Variants in STIL observed in about 807,000 individuals in gnomAD.
STIL encodes the protein STIL centriolar assembly protein.
In STIL, 55 loss-of-function variants were observed where a neutral mutation model predicts 110.1. The ratio of observed to expected loss-of-function variants is 0.50; its 90% CI spans 0.40 to 0.63. The LOEUF is 0.63. Ranked by LOEUF, STIL falls within the 20% of genes least tolerant of loss-of-function variation. The probability of loss-of-function intolerance (pLI) is 0.00; values close to 1 mark genes in which losing one functional copy is unlikely to be tolerated. For synonymous variants in STIL, 481 were observed against 530.0 expected (o/e 0.91, Z 1.27); for missense variants, 1,358 against 1,530.0 (o/e 0.89, Z 1.87).
At chr1:47,288,035 T>C (rs866973989) in intron 9 of STIL, among the ~76,000 whole-genome samples, 78 of 148,152 alleles carry the variant, frequency 5.3e-4, no homozygotes, top group African/African-American at 1.7e-3. Flanking sequence ...GTATTTTATA[T>C]ATAACATATA....
chr1:47,293,772 CGA>C (rs139708051), intron 7 of STIL, among the ~76,000 whole-genome samples: 14 of 149,526 alleles, frequency 9.4e-5, no homozygotes, highest in South Asian at 2.1e-4. Context: ...AGATATATAT[CGA>C]GAGAGAGAGA....
Position 47,251,751 on chromosome 1 carries a change from A to G in STIL, c.3252T>C (p.Thr1084=), listed in dbSNP as rs1407175048. 3 of 1,614,100 alleles carry G rather than the reference A, an allele frequency of 1.9e-6. No individual in the cohort carries two copies. The highest frequency in any genetic ancestry group is 2.5e-6 in the Non-Finnish European group (3 of 1,180,014). ...NENQLSQLSV[T]RSNQNNCDPF... ...GGTCACAATTATTTTGGTTCGATCG[A>G]GTGACAGACAGTTGTGACAGCTGAT... The change falls in exon 17 of 17, where the codon ACT becomes ACC. Residue 1084 remains threonine (T), a synonymous_variant. Coordinates refer to ENST00000371877, the MANE Select transcript of STIL (RefSeq NM_001048166.1).
intron 8 of STIL, among the ~76,000 whole-genome samples, chr1:47,291,894 A>C (rs1368104828): frequency 6.6e-6 from 1 of 151,482 alleles, no homozygotes; most frequent in East Asian, 1.9e-4. Context: ...CAGGGTCTGT[A>C]TTGTTCAGGC....
chr1:47,280,665 C>T lies in STIL; in HGVS notation c.1793G>A (p.Cys598Tyr). 1 of 1,614,194 alleles carries T rather than the reference C, an allele frequency of 6.2e-7. No individual in the cohort carries two copies. Among genetic ancestry groups the T allele is most frequent in the Non-Finnish European group, 8.5e-7 (1 of 1,180,044 alleles). ...QIPTPPLPSY[C>Y]STNVCRCCQH... ...ACAACACCTGCAAACGTTTGTGGAA[C>T]AGTAAGATGGCAGTGGGGGAGTAGG... is the stretch of plus-strand genomic sequence containing the variant. Residue 598 changes from cysteine to tyrosine, a missense_variant, in exon 12 of 17, where the codon TGT becomes TAT. By Grantham distance (194) the Cys-to-Tyr change is radical. Coordinates refer to ENST00000371877, the MANE Select transcript of STIL (RefSeq NM_001048166.1).
At chr1:47,305,048 G>C (rs1645914133) in intron 2 of STIL, 52 bp from the exon 3 acceptor site, 1 of 1,322,306 alleles carries the variant, frequency 7.6e-7, no homozygotes, top group Non-Finnish European at 1.1e-6. Context: ...AAACTTGGTA[G>C]ACATTTGGTA....
At chr1:47,269,934 T>C (rs1460883227) in intron 13 of STIL, 68 bp from the exon 14 acceptor site, 1 of 1,463,900 alleles carries the variant, frequency 6.8e-7, no homozygotes, top group African/African-American at 1.4e-5. Flanking sequence ...CTGCCAAACC[T>C]TTGTTAAGAA....
intron 16 of STIL, among the ~76,000 whole-genome samples, chr1:47,258,856 C>T (rs895035333): frequency 1.3e-5 from 2 of 151,832 alleles, no homozygotes; most frequent in African/African-American, 2.4e-5. Context: ...GGTGACAGAG[C>T]GAGACTGTCT....
chr1:47,291,491 A>C (rs1030020898), intron 8 of STIL, among the ~76,000 whole-genome samples: 1 of 151,914 alleles, frequency 6.6e-6, no homozygotes, highest in African/African-American at 2.4e-5. Flanking sequence ...CTCAGGCTTT[A>C]TTTTTCTCCA....
intron 15 of STIL, among the ~76,000 whole-genome samples, chr1:47,261,597 G>C (rs948485715): frequency 6.6e-6 from 1 of 152,002 alleles, no homozygotes; most frequent in African/African-American, 2.4e-5. Flanking sequence ...AAAATTAGCC[G>C]GGTGTGGTGG....
chr1:47,302,148 T>G, intron 4 of STIL, 86 bp downstream of exon 4: 2 of 964,964 alleles, frequency 2.1e-6, no homozygotes, highest in Non-Finnish European at 3.3e-6. Flanking sequence ...CTTAAACTCC[T>G]AGGTTCAAGT....
rs1227279558 is a variant in STIL, at chr1:47,251,695, C to T, written c.3308G>A (p.Arg1103Lys). The T allele has an allele frequency of 6.2e-7, 1 of 1,614,204 alleles. No homozygotes were observed. The highest frequency in any genetic ancestry group is 1.1e-5 in the South Asian group (1 of 91,084). The change falls in exon 17 of 17, where the codon AGA becomes AAA. Residue 1103 changes from arginine to lysine, a missense_variant. Arg to Lys is a conservative substitution (Grantham distance 26). Transcript: ENST00000371877. ...PFSLLHINTD[R>K]STVGLSLISP... is the part of the protein sequence containing the mutation. ...AATTAAACTAAGCCCCACTGTGCTT[C>T]TGTCTGTATTAATATGGAGAAGGCT...
chr1:47,310,420 AT>A, intron 1 of STIL, 58 bp from the exon 2 acceptor site: 1 of 1,057,068 alleles, frequency 9.5e-7, no homozygotes, highest in East Asian at 2.6e-5. Flanking sequence ...GAAAAATATG[AT>A]TTAACCACAT....
intron 2 of STIL, among the ~76,000 whole-genome samples, chr1:47,305,964 G>A (rs946803008): frequency 2.3e-5 from 3 of 130,216 alleles, no homozygotes; most frequent in Non-Finnish European, 5.0e-5. Context: ...AACTCCTGAC[G>A]TCATGATCTA....
At chr1:47,292,351 G>A (rs1412862125) in intron 8 of STIL, among the ~76,000 whole-genome samples, 2 of 152,088 alleles carry the variant, frequency 1.3e-5, no homozygotes, top group East Asian at 3.8e-4. Context: ...AGGGCAATTT[G>A]GCAATATCTA....
intron 3 of STIL, 147 bp from the exon 4 acceptor site, chr1:47,302,493 G>C: frequency 1.5e-6 from 1 of 686,778 alleles, no homozygotes; most frequent in Non-Finnish European, 2.6e-6. Flanking sequence ...CAAAGGCAGG[G>C]GATACGGAGG....
intron 12 of STIL, among the ~76,000 whole-genome samples, chr1:47,274,120 T>C (rs142572912): frequency 0.013 from 1,907 of 152,292 alleles, 41 homozygotes; most frequent in African/African-American, 0.043. Context: ...ACTCATTTAA[T>C]CTTTAAATCT....
In STIL at chr1:47,302,122, T is replaced by C. The variant is rs1357474359; in HGVS notation, c.265+112A>G. 3 of 776,786 alleles carry C rather than the reference T, an allele frequency of 3.9e-6. No homozygotes were observed. The East Asian group carries it at 7.8e-5, about 20-fold the overall frequency. The allele number at this position is 776,786 out of a possible 1,614,324, so 48.1% of individuals were successfully genotyped here. A position where few individuals can be genotyped will look rare whatever the true frequency, so the allele number is the denominator to read the frequency against. The stretch of plus-strand genomic sequence containing the variant: ...TTCTTGTACTGATGGAGTCTTACTA[T>C]GTTATGCAAGCTGGTCTTAAACTCC... On this transcript the variant is annotated intron_variant, in intron 4 of 16. Coordinates refer to ENST00000371877, the MANE Select transcript of STIL (RefSeq NM_001048166.1).
intron 10 of STIL, among the ~76,000 whole-genome samples, chr1:47,284,785 G>T (rs2149013836): frequency 6.6e-6 from 1 of 152,164 alleles, no homozygotes; most frequent in South Asian, 2.1e-4. Flanking sequence ...AGCTACTTGG[G>T]AGGCTGAAGC....
rs550062989 is a variant in STIL at position 47,251,488 on chromosome 1, G to A, written c.3515C>T (p.Ser1172Phe). 1,328 of 1,614,218 alleles carry A rather than the reference G, an allele frequency of 8.2e-4. 25 individuals are homozygous for A. The South Asian group carries it at 0.014, about 17-fold the overall frequency. ...PEQLGGQKEPSKNDHEIINCS... is the reference protein window; with the variant it reads ...PEQLGGQKEPFKNDHEIINCS... ...ATTAATTATTTCATGGTCATTCTTA[G>A]AAGGCTCTTTCTGACCACCAAGCTG... is the stretch of plus-strand genomic sequence containing the variant. Residue 1172 changes from serine to phenylalanine, a missense_variant, in exon 17 of 17, where the codon TCT (serine) becomes TTT (phenylalanine). By Grantham distance (155) the Ser-to-Phe change is radical. Transcript: ENST00000371877.
Sources: gnomAD v4.1 joint callset for allele counts (sites outside exome capture counted in the v4.1 genomes callset) on GRCh38, gnomAD v4.1.1 for gene constraint, MANE v1.5 for transcripts, NCBI Gene and HGNC (gene_info 2026-07-23, HGNC 2026-07-21) for gene names.